The following ZNF618 variants were observed in gnomAD, a reference collection of about 807,000 sequenced individuals.
ZNF618 encodes neural precursor cell expressed, developmentally down-regulated 10.
A neutral mutation model predicts 103.0 loss-of-function variants in ZNF618; 34 were observed. The observed-to-expected ratio is 0.33, with a 90% CI of 0.25 to 0.44. The LOEUF is 0.44. Ranked by LOEUF, ZNF618 falls within the 20% of genes least tolerant of loss-of-function variation. The pLI is 1.00. For synonymous variants in ZNF618, 551 were observed against 542.2 expected, an observed-to-expected ratio of 1.02 and a Z score of -0.23; for missense variants, 1,059 against 1,295.4, an observed-to-expected ratio of 0.82 and a Z score of 2.80.
At chr9:113,929,167 T>A (rs1327798141) in intron 1 of ZNF618, among the ~76,000 whole-genome samples, 1 of 152,166 alleles carries the variant, frequency 6.6e-6, no homozygotes, top group Non-Finnish European at 1.5e-5. Flanking sequence ...GGAGTTAAAA[T>A]CTATGAAAAT....
chr9:114,032,836 A>G (rs1844220775), intron 12 of ZNF618, 108 bp downstream of exon 12: 2 of 979,116 alleles, frequency 2.0e-6, no homozygotes, highest in African/African-American at 1.6e-5. Flanking sequence ...GTGGTGCATT[A>G]TGGATCTTGT....
At chr9:113,927,291 T>C (rs1290822984) in intron 1 of ZNF618, among the ~76,000 whole-genome samples, 2 of 152,228 alleles carry the variant, frequency 1.3e-5, no homozygotes, top group African/African-American at 4.8e-5. Flanking sequence ...AATTAGGCTG[T>C]GTTTACAATT....
intron 1 of ZNF618, among the ~76,000 whole-genome samples, chr9:113,915,128 A>G (rs780436881): frequency 6.6e-6 from 1 of 152,184 alleles, no homozygotes; most frequent in Non-Finnish European, 1.5e-5. Context: ...AGCACCTACT[A>G]TGCATCAGGC....
chr9:113,967,851 T>C (rs1837560675), intron 1 of ZNF618, among the ~76,000 whole-genome samples: 1 of 152,178 alleles, frequency 6.6e-6, no homozygotes, highest in South Asian at 2.1e-4. Flanking sequence ...ATGTCAGCTC[T>C]AGCTGCCTGT....
In ZNF618 at chr9:114,055,251, G is replaced by C. The variant is rs992055788; in HGVS notation, c.*5084G>C. 6.6e-6 allele frequency: 1 copy of C among 152,166 alleles called. No homozygotes were observed. The highest frequency in any genetic ancestry group is 1.5e-5 in the Non-Finnish European group (1 of 68,048). The allele number at this position is 152,166 out of a possible 1,614,324, so 9.4% of individuals were successfully genotyped here. ...ATAACCCAGGTGCCAGCCGGTCTCC[G>C]CCTAGGACCTTCCCTCCCGCCCAGC... On this transcript the variant is annotated 3_prime_UTR_variant, in exon 15 of 15. Coordinates refer to ENST00000374126, the MANE Select transcript of ZNF618 (RefSeq NM_001318042.2).
At chr9:114,007,193 TCAGTTTCCTCA>T (rs1841828465) in intron 6 of ZNF618, among the ~76,000 whole-genome samples, 146 bp from the exon 7 acceptor site, 1 of 152,100 alleles carries the variant, frequency 6.6e-6, no homozygotes, top group Admixed American at 6.5e-5. Context: ...CTTCTGATCC[TCAGTTTCCTCA>T]TGTGTAAAAT....
chr9:113,919,855 C>T (rs749199765), intron 1 of ZNF618, among the ~76,000 whole-genome samples: 6 of 152,230 alleles, frequency 3.9e-5, no homozygotes, highest in Admixed American at 6.5e-5. Context: ...GTCTGGAAGT[C>T]ATGAACATTG....
intron 9 of ZNF618, among the ~76,000 whole-genome samples, chr9:114,012,022 T>TAA (rs372244026): frequency 4.9e-4 from 68 of 138,264 alleles, no homozygotes; most frequent in African/African-American, 1.6e-3. Flanking sequence ...CTTGAATAGT[T>TAA]AAAAAAAAAA....
At chr9:113,901,835 G>A (rs1027577351) in intron 1 of ZNF618, among the ~76,000 whole-genome samples, 4 of 152,028 alleles carry the variant, frequency 2.6e-5, no homozygotes, top group African/African-American at 9.7e-5. Context: ...CTGTTCTCCG[G>A]ACTATTTCTG....
chr9:114,023,498 A>G (rs556158700), intron 10 of ZNF618, among the ~76,000 whole-genome samples: 1 of 152,292 alleles, frequency 6.6e-6, no homozygotes, highest in African/African-American at 2.4e-5. Flanking sequence ...TTAAACAGTA[A>G]TTTGTTAAAG....
At position 114,050,506 on chromosome 9, in the gene ZNF618, TGGAC is replaced by T. The variant is rs956159311; in HGVS notation, c.*342_*345del. On this transcript the variant is annotated 3_prime_UTR_variant, in exon 15 of 15. Transcript: ENST00000374126. ...TGGTGCGTGTACATACGCCTGTGCTTGGACGGGTGTGCATTGAACTGGGCGTGTC... is the reference window on the plus strand; with the variant it reads ...TGGTGCGTGTACATACGCCTGTGCTTGGGTGTGCATTGAACTGGGCGTGTC... 2.6e-5 allele frequency: 5 copies of T among 195,584 alleles called. No homozygotes were observed. Among genetic ancestry groups the T allele is most frequent in the African/African-American group, 1.2e-4 (5 of 42,952 alleles). 12.1% of individuals were successfully genotyped at this position (195,584 alleles called of 1,614,324 possible).
At position 114,002,072 on chromosome 9, in the gene ZNF618, A is replaced by G. The variant is rs1841275293; in HGVS notation, c.510A>G (p.Arg170=). The G allele has an allele frequency of 2.5e-6, 4 of 1,612,408 alleles. No individual in the cohort carries two copies. In the South Asian group the frequency reaches 4.4e-5, roughly 18 times the overall value. ...NCFQTHVRAH[R]DTEATSGEGA... is the part of the protein sequence containing the mutation. ...TCCAGACCCACGTGCGGGCGCACCG[A>G]GGTGAGAGGAGTGTCCCTGGGGCAG... Residue 170 remains arginine (R), a splice_region_variant and synonymous_variant, in exon 5 of 15, where the codon CGA becomes CGG. Coordinates refer to ENST00000374126, the MANE Select transcript of ZNF618 (RefSeq NM_001318042.2).
chr9:114,028,357 C>T, intron 10 of ZNF618: 1 of 219,054 alleles, frequency 4.6e-6, no homozygotes, highest in East Asian at 1.1e-4. Flanking sequence ...CCTATTGTAA[C>T]TTCCAAGCCA....
At chr9:114,005,146 A>G (rs978615129) in intron 6 of ZNF618, among the ~76,000 whole-genome samples, 1 of 152,222 alleles carries the variant, frequency 6.6e-6, no homozygotes, top group Non-Finnish European at 1.5e-5. Context: ...TGCAGAGGTT[A>G]GGCAGCATGT....
chr9:113,914,277 G>A (rs1831849721), intron 1 of ZNF618, among the ~76,000 whole-genome samples: 1 of 152,184 alleles, frequency 6.6e-6, no homozygotes, highest in African/African-American at 2.4e-5. Context: ...TTAAACCAAA[G>A]TCCATGTTTG....
chr9:114,002,581 G>A (rs1841344461), intron 5 of ZNF618, 43 bp from the exon 6 acceptor site: 3 of 1,598,270 alleles, frequency 1.9e-6, no homozygotes, highest in Admixed American at 1.7e-5. Context: ...CCTGTCATTG[G>A]CCCGGTAGCC....
intron 4 of ZNF618, 136 bp downstream of exon 4, chr9:113,998,490 C>T (rs1840852271): frequency 1.1e-5 from 8 of 735,000 alleles, no homozygotes; most frequent in Admixed American, 4.7e-5. Flanking sequence ...CCACCTTCTT[C>T]ATCCCCTGTC....
chr9:113,951,403 G>GTATATATACACACATATATGTGTGTA lies in ZNF618; in HGVS notation c.34-17689_34-17688insATATATATACACACATATATGTGTGT. Among the ~76,000 whole-genome samples, 7 of 41,892 alleles carry GTATATATACACACATATATGTGTGTA rather than the reference G, an allele frequency of 1.7e-4. 1 individual carries two copies. The highest frequency in any genetic ancestry group is 2.9e-3 in the South Asian group (2 of 686). 27.5% of individuals were successfully genotyped at this position (41,892 alleles called of 152,430 possible). ...GGAGCACTTTTTCCTATATATATAC[G>GTATATATACACACATATATGTGTGTA]TATATATACACACATATATGTGTGT... On this transcript the variant is annotated intron_variant, in intron 1 of 14. Transcript: ENST00000374126.
chr9:114,047,815 C>G lies in ZNF618; in HGVS notation c.1247-78C>G, dbSNP rs567884110. On this transcript the variant is annotated intron_variant, in intron 13 of 14. Coordinates refer to ENST00000374126, the MANE Select transcript of ZNF618 (RefSeq NM_001318042.2). ...ATGGCCACATTCTGCTGTTACCCACCACACTCTAGTTCTCATCTCGTTCCT... is the reference window on the plus strand; with the variant it reads ...ATGGCCACATTCTGCTGTTACCCACGACACTCTAGTTCTCATCTCGTTCCT... 8 of 1,275,786 alleles carry G rather than the reference C, an allele frequency of 6.3e-6. No homozygotes were observed. The South Asian group carries it at 1.1e-4, about 17-fold the overall frequency. The allele number at this position is 1,275,786 out of a possible 1,614,324, so 79.0% of individuals were successfully genotyped here.
Sources: allele counts gnomAD v4.1 joint callset (sites outside exome capture counted in the v4.1 genomes callset), GRCh38; gene constraint gnomAD v4.1.1; transcripts MANE v1.5; gene names NCBI Gene and HGNC (gene_info 2026-07-23, HGNC 2026-07-21).